The following ANO2 variants were observed in gnomAD, a reference collection of about 807,000 sequenced individuals.
ANO2 encodes the protein anoctamin 2.
In ANO2, 101 loss-of-function variants were observed where a neutral mutation model predicts 124.2. That is an observed-to-expected ratio of 0.81 (90% confidence interval 0.69 to 0.96). ANO2 has a LOEUF of 0.96. Among genes scored for constraint, ANO2 ranks in the 40% least tolerant of loss-of-function variants. The probability of loss-of-function intolerance (pLI) is 0.00; values close to 1 mark genes in which losing one functional copy is unlikely to be tolerated. For missense variants in ANO2, 1,293 were observed against 1,274.5 expected (o/e 1.01, Z -0.22); for synonymous variants, 486 against 482.5 (o/e 1.01, Z -0.09).
intron 19 of ANO2, among the ~76,000 whole-genome samples, chr12:5,608,387 T>C (rs1468884941): frequency 6.6e-6 from 1 of 151,780 alleles, no homozygotes; most frequent in Non-Finnish European, 1.5e-5. Context: ...AAAAGAATTT[T>C]TGTTCTACAT....
chr12:5,911,362 C>T (rs998076309), intron 3 of ANO2, among the ~76,000 whole-genome samples: 3 of 152,182 alleles, frequency 2.0e-5, no homozygotes, highest in African/African-American at 7.2e-5. Context: ...CAACCAGCCC[C>T]AGACCGATAA....
chr12:5,741,739 T>C lies in ANO2; in HGVS notation c.1352-2340A>G, dbSNP rs984991866. ...TGCTCTGCATGCACACTCAATCACA[T>C]GTCACAAGAGCACTGTGGGGTAGGT... is the stretch of plus-strand genomic sequence containing the variant. On this transcript the variant is annotated intron_variant, in intron 12 of 24. Transcript: ENST00000682330. Among the ~76,000 whole-genome samples, 22 of 152,216 alleles carry C rather than the reference T, an allele frequency of 1.4e-4. 1 individual carries two copies. The highest frequency in any genetic ancestry group is 5.3e-4 in the African/African-American group (22 of 41,464).
intron 20 of ANO2, among the ~76,000 whole-genome samples, chr12:5,581,342 A>G (rs931506174): frequency 6.6e-6 from 1 of 152,124 alleles, no homozygotes; most frequent in Non-Finnish European, 1.5e-5. Flanking sequence ...TGGCAAGGAG[A>G]CTGATGGGGA....
In ANO2 at chr12:5,787,998, C is replaced by T. The variant is rs1005805067; in HGVS notation, c.1055+11509G>A. ...CTAACTCCTATGCTAGCCTTCCCAG[C>T]TCCATGGATTTGTGCTTGGCCACAT... On this transcript the variant is annotated intron_variant, in intron 10 of 24. Coordinates refer to ENST00000682330, the MANE Select transcript of ANO2 (RefSeq NM_001364791.2). The surrounding 1 kb of genome is among the most constrained non-coding windows in gnomAD (Gnocchi z 4.2). Among the ~76,000 whole-genome samples the T allele has an allele frequency of 2.0e-5, 3 of 152,220 alleles. No homozygotes were observed. Among genetic ancestry groups the T allele is most frequent in the African/African-American group, 7.2e-5 (3 of 41,452 alleles).
intron 14 of ANO2, among the ~76,000 whole-genome samples, chr12:5,713,477 C>T (rs909062743): frequency 7.9e-5 from 12 of 152,102 alleles, no homozygotes; most frequent in Non-Finnish European, 1.5e-5. Context: ...AGTGATGGTT[C>T]CTGTTTGGAG....
chr12:5,577,011 A>C (rs1942450794), intron 22 of ANO2, among the ~76,000 whole-genome samples: 1 of 152,264 alleles, frequency 6.6e-6, no homozygotes, highest in African/African-American at 2.4e-5. Context: ...TAAAGAGGCC[A>C]GGGAAGTAAG....
At chr12:5,631,862 A>G (rs559043627) in intron 16 of ANO2, among the ~76,000 whole-genome samples, 33 of 152,218 alleles carry the variant, frequency 2.2e-4, no homozygotes, top group Non-Finnish European at 4.1e-4. Flanking sequence ...GTGCTCTAGG[A>G]CCAAGGGAAG....
chr12:5,731,277 T>C (rs934106363), intron 14 of ANO2, among the ~76,000 whole-genome samples: 17 of 152,138 alleles, frequency 1.1e-4, no homozygotes, highest in African/African-American at 4.1e-4. Context: ...CCCTGAATAA[T>C]TGGTGGTCTT....
At chr12:5,590,516 C>A (rs948441121) in intron 20 of ANO2, among the ~76,000 whole-genome samples, 9 of 152,186 alleles carry the variant, frequency 5.9e-5, no homozygotes, top group African/African-American at 2.2e-4. Context: ...AGAAATGTTT[C>A]CCCGAAATGG....
At chr12:5,740,135 C>G in intron 12 of ANO2, 1 of 375,138 alleles carries the variant, frequency 2.7e-6, no homozygotes, top group South Asian at 2.0e-5. Flanking sequence ...GAGCACAACC[C>G]TACAGCCATG....
intron 10 of ANO2, among the ~76,000 whole-genome samples, chr12:5,756,404 G>A (rs1176756676): frequency 6.6e-6 from 1 of 151,984 alleles, no homozygotes. Context: ...AGGTAGTATC[G>A]AGAATTCCTG....
At chr12:5,766,818 CTG>C (rs905623971) in intron 10 of ANO2, among the ~76,000 whole-genome samples, 26 of 152,214 alleles carry the variant, frequency 1.7e-4, no homozygotes, top group African/African-American at 6.3e-4. Context: ...ATGTAACACT[CTG>C]GCTCAGTCGG....
chr12:5,823,215 A>G (rs373218255), intron 7 of ANO2, among the ~76,000 whole-genome samples: 9 of 152,150 alleles, frequency 5.9e-5, no homozygotes, highest in African/African-American at 2.2e-4. Context: ...AATTAACCCA[A>G]AAGTCCACAA....
chr12:5,571,831 T>G (rs1476282608), intron 23 of ANO2, among the ~76,000 whole-genome samples: 1 of 152,148 alleles, frequency 6.6e-6, no homozygotes, highest in East Asian at 1.9e-4. Flanking sequence ...GAGAATTGAG[T>G]GACCCAGTCA....
intron 14 of ANO2, among the ~76,000 whole-genome samples, chr12:5,718,740 T>C (rs187817247): frequency 1.8e-4 from 27 of 152,356 alleles, no homozygotes; most frequent in Middle Eastern, 3.4e-3. Flanking sequence ...TGGTGCCAGA[T>C]TGGCAGGTAG....
chr12:5,844,822 A>T (rs947930320), intron 4 of ANO2, among the ~76,000 whole-genome samples: 5 of 141,618 alleles, frequency 3.5e-5, no homozygotes, highest in Admixed American at 7.5e-5. Context: ...CCTGAAAAAA[A>T]TTGAACCAGT....
chr12:5,683,133 A>T (rs1045593486), intron 14 of ANO2, among the ~76,000 whole-genome samples: 1 of 152,178 alleles, frequency 6.6e-6, no homozygotes, highest in African/African-American at 2.4e-5. Flanking sequence ...CCAATCCTGG[A>T]TTGTAAGACA....
At chr12:5,828,060 A>G (rs1003824268) in intron 6 of ANO2, among the ~76,000 whole-genome samples, 2 of 152,186 alleles carry the variant, frequency 1.3e-5, no homozygotes, top group Non-Finnish European at 2.9e-5. Flanking sequence ...CCCCACCCTG[A>G]GAAAAACAAA....
chr12:5,649,765 C>G (rs1197042143), intron 14 of ANO2, among the ~76,000 whole-genome samples: 1 of 150,386 alleles, frequency 6.6e-6, no homozygotes, highest in Non-Finnish European at 1.5e-5. Flanking sequence ...CCACGATGCC[C>G]CCAGCTAAGT....
Sources: allele counts gnomAD v4.1 joint callset (sites outside exome capture counted in the v4.1 genomes callset), GRCh38; gene constraint gnomAD v4.1.1; non-coding constraint Gnocchi (gnomAD v3.1); transcripts MANE v1.5; gene names NCBI Gene and HGNC (gene_info 2026-07-23, HGNC 2026-07-21).